Variants in PKP4 observed in about 807,000 individuals in gnomAD.
PKP4 encodes plakophilin 4.
Under a neutral mutation model 145.1 loss-of-function variants are expected in PKP4, and 90 were observed. The ratio of observed to expected loss-of-function variants is 0.62; its 90% CI spans 0.52 to 0.74. The LOEUF is 0.74. Among genes scored for constraint, PKP4 ranks in the 30% least tolerant of loss-of-function variants. PKP4 has a pLI of 0.00. For missense variants in PKP4, 1,340 were observed against 1,482.7 expected (o/e 0.90, Z 1.58); for synonymous variants, 563 against 577.2 (o/e 0.98, Z 0.35).
chr2:158,608,149 A>G (rs550848825), intron 4 of PKP4, among the ~76,000 whole-genome samples: 1 of 152,348 alleles, frequency 6.6e-6, no homozygotes, highest in African/African-American at 2.4e-5. Flanking sequence ...GCCTGTATCA[A>G]AACACTTAAT....
In PKP4 at chr2:158,644,595, C is replaced by T. The variant is rs200581854; in HGVS notation, c.1909+1896C>T. Among the ~76,000 whole-genome samples the T allele has an allele frequency of 3.5e-4, 54 of 152,144 alleles. No homozygotes were observed. In the East Asian group the frequency reaches 9.7e-3, roughly 27 times the overall value. ...GTAGAATACACATAACAGATACATG[C>T]AGCTTTAGAAATACTTGCAGAATGA... On this transcript the variant is annotated intron_variant, in intron 11 of 21. Coordinates refer to ENST00000389759, the MANE Select transcript of PKP4 (RefSeq NM_003628.6).
intron 2 of PKP4, among the ~76,000 whole-genome samples, chr2:158,535,277 A>G (rs933139144): frequency 6.6e-6 from 1 of 152,162 alleles, no homozygotes; most frequent in Non-Finnish European, 1.5e-5. Flanking sequence ...ACTAATTACC[A>G]TTCACCTTAT....
At chr2:158,533,084 G>A (rs1257093443) in intron 1 of PKP4, 96 bp from the exon 2 acceptor site, 1 of 1,230,510 alleles carries the variant, frequency 8.1e-7, no homozygotes, top group African/African-American at 1.5e-5. Context: ...TGTGTAGACT[G>A]TAGTCTACTG....
At chr2:158,525,539 C>T (rs2042835385) in intron 1 of PKP4, among the ~76,000 whole-genome samples, 1 of 41,844 alleles carries the variant, frequency 2.4e-5, no homozygotes, top group Non-Finnish European at 4.2e-5. Context: ...CAGGAAAGAT[C>T]CAAAATTGAC....
intron 1 of PKP4, among the ~76,000 whole-genome samples, chr2:158,529,455 C>T (rs2043313413): frequency 6.6e-6 from 1 of 152,186 alleles, no homozygotes; most frequent in African/African-American, 2.4e-5. Context: ...CCTCCCTGTC[C>T]CCTTACCTGG....
At chr2:158,586,968 TGAAGAA>T (rs2048852433) in intron 3 of PKP4, among the ~76,000 whole-genome samples, 1 of 152,242 alleles carries the variant, frequency 6.6e-6, no homozygotes, top group Non-Finnish European at 1.5e-5. Flanking sequence ...AATGTCACCA[TGAAGAA>T]TTTTAAACAA....
chr2:158,589,465 G>A (rs1047725786), intron 3 of PKP4, among the ~76,000 whole-genome samples: 13 of 152,048 alleles, frequency 8.5e-5, no homozygotes, highest in African/African-American at 2.9e-4. Flanking sequence ...TGGCTGTACC[G>A]AGGCATCTGT....
chr2:158,676,509 C>T (rs1456232540), intron 19 of PKP4, among the ~76,000 whole-genome samples: 3 of 152,194 alleles, frequency 2.0e-5, no homozygotes, highest in Non-Finnish European at 2.9e-5. Context: ...GAGTGAGCCC[C>T]GGTGTTGACT....
At chr2:158,567,010 G>A (rs1013033813) in intron 2 of PKP4, among the ~76,000 whole-genome samples, 1 of 152,162 alleles carries the variant, frequency 6.6e-6, no homozygotes, top group African/African-American at 2.4e-5. Context: ...TGATATGCAG[G>A]ACGTGATGTC....
intron 3 of PKP4, among the ~76,000 whole-genome samples, chr2:158,582,352 A>G (rs1350565656): frequency 6.6e-6 from 1 of 152,250 alleles, no homozygotes; most frequent in Non-Finnish European, 1.5e-5. Context: ...TATGCATTCA[A>G]TATTTCACCT....
At chr2:158,513,730 C>T (rs923465485) in intron 1 of PKP4, among the ~76,000 whole-genome samples, 1 of 152,074 alleles carries the variant, frequency 6.6e-6, no homozygotes, top group Non-Finnish European at 1.5e-5. Flanking sequence ...CAACTTTCAC[C>T]GTCATCTTAG....
At chr2:158,655,902 G>A (rs1427237028) in intron 11 of PKP4, among the ~76,000 whole-genome samples, 1 of 152,230 alleles carries the variant, frequency 6.6e-6, no homozygotes, top group African/African-American at 2.4e-5. Context: ...GCCCATGTTA[G>A]TGACAGAGTC....
chr2:158,550,498 T>C (rs1050097355), intron 2 of PKP4, among the ~76,000 whole-genome samples: 3 of 152,222 alleles, frequency 2.0e-5, no homozygotes, highest in East Asian at 1.9e-4. Flanking sequence ...GGACAAACAG[T>C]GTGACCCAAC....
chr2:158,500,024 A>G (rs541207253), intron 1 of PKP4, among the ~76,000 whole-genome samples: 48 of 152,396 alleles, frequency 3.1e-4, no homozygotes, highest in Middle Eastern at 3.4e-3. Flanking sequence ...TAGAGAAAGC[A>G]GCCATGAAAG....
chr2:158,647,424 T>C (rs1032297730), intron 11 of PKP4, among the ~76,000 whole-genome samples: 1 of 152,352 alleles, frequency 6.6e-6, no homozygotes, highest in East Asian at 1.9e-4. Flanking sequence ...CAGTCTTTTT[T>C]TCTAGTTCCC....
chr2:158,612,764 T>C (rs1181791740), intron 4 of PKP4, among the ~76,000 whole-genome samples: 2 of 152,202 alleles, frequency 1.3e-5, no homozygotes, highest in Admixed American at 1.3e-4. Flanking sequence ...AATTTTTAAA[T>C]ATCATTATTA....
chr2:158,651,615 C>G (rs1410007471), intron 11 of PKP4, among the ~76,000 whole-genome samples: 1 of 151,984 alleles, frequency 6.6e-6, no homozygotes, highest in Non-Finnish European at 1.5e-5. Context: ...AAACCTGCTT[C>G]TTTCTGGCCT....
In PKP4 at chr2:158,658,300, G is replaced by A. The variant is rs8272; in HGVS notation, c.2079G>A (p.Thr693=). 39,657 of 1,590,772 alleles carry A rather than the reference G, an allele frequency of 0.025. 1,744 individuals are homozygous for A. Among genetic ancestry groups the A allele is most frequent in the African/African-American group, 0.19 (13,934 of 73,976 alleles). The change falls in exon 12 of 22, where the codon ACG becomes ACA. Residue 693 remains threonine (T), a synonymous_variant. Coordinates refer to ENST00000389759, the MANE Select transcript of PKP4 (RefSeq NM_003628.6). The part of the protein sequence containing the change: ...KFQTSLVLRN[T]TGCLRNLSSA... Reference sequence around the variant, plus strand: ...AGACTTCACTAGTTCTGCGTAACACGACAGGTTGCCTAAGGTAAATTCTTT... The same window carrying A: ...AGACTTCACTAGTTCTGCGTAACACAACAGGTTGCCTAAGGTAAATTCTTT...
intron 2 of PKP4, among the ~76,000 whole-genome samples, chr2:158,539,486 G>T (rs74593365): frequency 0.19 from 29,485 of 152,182 alleles, 3,727 homozygotes; most frequent in Middle Eastern, 0.35. Flanking sequence ...GCAGAAGAGA[G>T]AATTTTTATT....
Sources: allele counts gnomAD v4.1 joint callset (sites outside exome capture counted in the v4.1 genomes callset), GRCh38; gene constraint gnomAD v4.1.1; transcripts MANE v1.5; gene names NCBI Gene and HGNC (gene_info 2026-07-23, HGNC 2026-07-21).